MYT1L: variants seen among roughly 807,000 people sequenced by gnomAD.
MYT1L encodes myelin transcription factor 1-like protein.
MYT1L carries 12 observed loss-of-function variants against 126.7 expected under a neutral mutation model. The observed-to-expected ratio is 0.09, with a 90% CI of 0.06 to 0.15. MYT1L has a LOEUF of 0.15. Among genes scored for constraint, MYT1L ranks in the 10% least tolerant of loss-of-function variants. MYT1L has a pLI of 1.00. For synonymous variants in MYT1L, 541 were observed against 604.2 expected, an observed-to-expected ratio of 0.90 and a Z score of 1.53; for missense variants, 979 against 1,585.2, an observed-to-expected ratio of 0.62 and a Z score of 6.49.
chr2:2,321,508 A>C (rs1359406571), intron 1 of MYT1L, among the ~76,000 whole-genome samples: 1 of 152,142 alleles, frequency 6.6e-6, no homozygotes, highest in Non-Finnish European at 1.5e-5. Flanking sequence ...GTAAGCCCTT[A>C]AGAATGGTTT....
chr2:1,943,397 T>C lies in MYT1L; in HGVS notation c.153-63A>G. Reference sequence around the variant, plus strand: ...AAAAAAATATCTGTGTTACTGTCTTTTAAAATCAGACCAATGGGGGCCTTG... The same window carrying C: ...AAAAAAATATCTGTGTTACTGTCTTCTAAAATCAGACCAATGGGGGCCTTG... On this transcript the variant is annotated intron_variant, in intron 8 of 24. Coordinates refer to ENST00000647738, the MANE Select transcript of MYT1L (RefSeq NM_001303052.2). This position sits in a 1 kb window ranked among gnomAD's most constrained non-coding sequence, Gnocchi z 4.4. The C allele has an allele frequency of 6.9e-7, 1 of 1,457,620 alleles. No homozygotes were observed. Among genetic ancestry groups the C allele is most frequent in the South Asian group, 1.5e-5 (1 of 67,484 alleles). The allele number at this position is 1,457,620 out of a possible 1,614,324, so 90.3% of individuals were successfully genotyped here.
chr2:2,190,222 T>C (rs957622439), intron 2 of MYT1L, among the ~76,000 whole-genome samples: 4 of 152,142 alleles, frequency 2.6e-5, no homozygotes. Context: ...TCTGGGAGGA[T>C]GAGGCAGGCA....
intron 2 of MYT1L, among the ~76,000 whole-genome samples, chr2:2,218,938 G>A (rs1384705817): frequency 6.6e-6 from 1 of 152,120 alleles, no homozygotes; most frequent in Non-Finnish European, 1.5e-5. Flanking sequence ...AATAACTTTT[G>A]AGACCAAAAG....
intron 2 of MYT1L, among the ~76,000 whole-genome samples, chr2:2,244,174 A>T (rs2094489413): frequency 6.6e-6 from 1 of 152,240 alleles, no homozygotes; most frequent in African/African-American, 2.4e-5. Context: ...TTTTATGAAA[A>T]GTCACAATCT....
chr2:1,877,583 A>G (rs969508615), intron 18 of MYT1L, among the ~76,000 whole-genome samples: 3 of 152,180 alleles, frequency 2.0e-5, no homozygotes, highest in African/African-American at 7.2e-5. Context: ...GTAAGAGTGC[A>G]TGATGAACGC....
chr2:2,242,120 G>T (rs2094451815), intron 2 of MYT1L, among the ~76,000 whole-genome samples: 1 of 152,198 alleles, frequency 6.6e-6, no homozygotes, highest in African/African-American at 2.4e-5. Context: ...AAAAATGTCA[G>T]AAGTACGAGC....
At chr2:2,131,599 A>T (rs773497151) in intron 3 of MYT1L, among the ~76,000 whole-genome samples, 5 of 152,168 alleles carry the variant, frequency 3.3e-5, no homozygotes, top group African/African-American at 4.8e-5. Flanking sequence ...AGCTTGGCTA[A>T]TAGCAGACTT....
chr2:1,979,469 G>A lies in MYT1L; in HGVS notation c.89+52C>T, dbSNP rs17338581. Reference sequence around the variant, plus strand: ...AGGTGCAGTGTGCCCATTAGAAGGCGTGAATTTTCCAAACTGTTAATGGGG... The same window carrying A: ...AGGTGCAGTGTGCCCATTAGAAGGCATGAATTTTCCAAACTGTTAATGGGG... On this transcript the variant is annotated intron_variant, in intron 7 of 24. Transcript: ENST00000647738. This position sits in a 1 kb window ranked among gnomAD's most constrained non-coding sequence, Gnocchi z 4.0. 56,897 of 1,560,204 alleles carry A rather than the reference G, an allele frequency of 0.036. 1,285 individuals carry two copies. Among genetic ancestry groups the A allele is most frequent in the Non-Finnish European group, 0.042 (47,924 of 1,131,006 alleles).
At chr2:1,949,789 C>T (rs1057402032) in intron 8 of MYT1L, among the ~76,000 whole-genome samples, 3 of 152,122 alleles carry the variant, frequency 2.0e-5, no homozygotes, top group African/African-American at 2.4e-5. Context: ...CACCAGAGAG[C>T]GGGGCTCGGA....
intron 1 of MYT1L, among the ~76,000 whole-genome samples, chr2:2,327,883 A>G (rs770576881): frequency 3.9e-5 from 6 of 152,210 alleles, no homozygotes; most frequent in Non-Finnish European, 5.9e-5. Context: ...GTTAAAATGT[A>G]TCCACTAAAA....
intron 3 of MYT1L, among the ~76,000 whole-genome samples, chr2:2,093,603 T>C (rs1325913004): frequency 3.3e-5 from 5 of 152,186 alleles, no homozygotes; most frequent in African/African-American, 1.2e-4. Flanking sequence ...CCTTGTCAGA[T>C]GAGTAGATTG....
At chr2:1,895,394 T>C (rs188470433) in intron 14 of MYT1L, among the ~76,000 whole-genome samples, 6 of 152,258 alleles carry the variant, frequency 3.9e-5, no homozygotes, top group African/African-American at 1.2e-4. Flanking sequence ...AGAGCCCAAA[T>C]AGCCAAAGCA....
At chr2:1,860,791 C>T (rs759640399) in intron 18 of MYT1L, among the ~76,000 whole-genome samples, 15 of 152,088 alleles carry the variant, frequency 9.9e-5, no homozygotes, top group African/African-American at 1.4e-4. Context: ...GTAAGGAACC[C>T]GCTGTGGGAT....
chr2:2,109,877 A>ATT (rs2079184700), intron 3 of MYT1L, among the ~76,000 whole-genome samples: 4 of 13,766 alleles, frequency 2.9e-4, no homozygotes, highest in Non-Finnish European at 4.6e-4. Context: ...TGCTGATTTT[A>ATT]TATATATATA....
chr2:2,020,859 G>T (rs1002017555), intron 4 of MYT1L, among the ~76,000 whole-genome samples: 1 of 152,062 alleles, frequency 6.6e-6, no homozygotes, highest in Non-Finnish European at 1.5e-5. Context: ...ATTAGCCAAA[G>T]TTTATTTGGG....
chr2:2,074,583 C>T (rs1481727610), intron 3 of MYT1L, among the ~76,000 whole-genome samples: 2 of 152,094 alleles, frequency 1.3e-5, no homozygotes, highest in Non-Finnish European at 2.9e-5. Flanking sequence ...AATTCACACC[C>T]AACGGGATAT....
At chr2:2,242,371 CA>C (rs1335016814) in intron 2 of MYT1L, among the ~76,000 whole-genome samples, 2 of 152,106 alleles carry the variant, frequency 1.3e-5, no homozygotes, top group East Asian at 3.9e-4. Context: ...AAGCGCATTC[CA>C]GGGGCTTAGT....
At chr2:2,118,833 A>G (rs2080572075) in intron 3 of MYT1L, among the ~76,000 whole-genome samples, 1 of 152,230 alleles carries the variant, frequency 6.6e-6, no homozygotes, top group Non-Finnish European at 1.5e-5. Flanking sequence ...AGTACATTCT[A>G]CTTTCTCAAC....
At position 2,030,987 on chromosome 2, in the gene MYT1L, T is replaced by A. The variant is rs751700249; in HGVS notation, c.-158+22991A>T. Among the ~76,000 whole-genome samples the A allele has an allele frequency of 5.7e-4, 87 of 152,260 alleles. 1 individual carries two copies. The highest frequency in any genetic ancestry group is 3.3e-4 in the Admixed American group (5 of 15,290). On this transcript the variant is annotated intron_variant, in intron 4 of 24. Coordinates refer to ENST00000647738, the MANE Select transcript of MYT1L (RefSeq NM_001303052.2). ...GTTTCTCACATTGTGAGGACATACTTATTTTGCGTTTGTATTAAGCGTGTG... is the reference window on the plus strand; with the variant it reads ...GTTTCTCACATTGTGAGGACATACTAATTTTGCGTTTGTATTAAGCGTGTG...
Sources: allele counts gnomAD v4.1 joint callset (sites outside exome capture counted in the v4.1 genomes callset), GRCh38; gene constraint gnomAD v4.1.1; non-coding constraint Gnocchi (gnomAD v3.1); transcripts MANE v1.5; gene names NCBI Gene and HGNC (gene_info 2026-07-23, HGNC 2026-07-21).